Variants in RBMS1 observed in about 807,000 individuals in gnomAD.
The protein encoded by RBMS1 is RNA-binding motif, single-stranded-interacting protein 1.
RBMS1 carries 17 observed loss-of-function variants against 62.3 expected under a neutral mutation model. That is an observed-to-expected ratio of 0.27 (90% CI 0.19 to 0.41). The LOEUF is 0.41. Among genes scored for constraint, RBMS1 ranks in the 10% least tolerant of loss-of-function variants. The pLI is 1.00. For missense variants in RBMS1, 334 were observed against 504.5 expected (o/e 0.66, Z 3.24); for synonymous variants, 172 against 170.0 (o/e 1.01, Z -0.09).
chr2:160,382,828 C>T (rs900128644), intron 1 of RBMS1, among the ~76,000 whole-genome samples: 1 of 151,960 alleles, frequency 6.6e-6, no homozygotes, highest in South Asian at 2.1e-4. Flanking sequence ...CCCCACAACA[C>T]TAACGTAGTT....
chr2:160,466,731 G>C (rs1684711062), intron 1 of RBMS1, among the ~76,000 whole-genome samples: 1 of 152,134 alleles, frequency 6.6e-6, no homozygotes, highest in Admixed American at 6.6e-5. Context: ...AACCTAAAAG[G>C]AGATAAAGAA....
intron 2 of RBMS1, among the ~76,000 whole-genome samples, chr2:160,339,432 T>G (rs559671686): frequency 3.5e-4 from 54 of 152,328 alleles, no homozygotes; most frequent in African/African-American, 1.3e-3. Context: ...TCCTGTGTTT[T>G]GGATGTAGTT....
intron 2 of RBMS1, among the ~76,000 whole-genome samples, chr2:160,327,111 T>C (rs1244253381): frequency 6.6e-6 from 1 of 152,208 alleles, no homozygotes; most frequent in African/African-American, 2.4e-5. Flanking sequence ...TACAGAAGCA[T>C]TGGGACAGTT....
At chr2:160,449,132 G>A (rs1274051804) in intron 1 of RBMS1, among the ~76,000 whole-genome samples, 7 of 150,374 alleles carry the variant, frequency 4.7e-5, no homozygotes, top group African/African-American at 1.5e-4. Flanking sequence ...GAGCCCCTCC[G>A]CCCGGCAGCC....
At chr2:160,282,517 C>A in intron 9 of RBMS1, 2 of 327,920 alleles carry the variant, frequency 6.1e-6, no homozygotes, top group Non-Finnish European at 1.2e-5. Context: ...CAACTCCCTA[C>A]AGACCCTAAT....
At chr2:160,426,300 AGG>A (rs1173371022) in intron 1 of RBMS1, among the ~76,000 whole-genome samples, 142 of 30,776 alleles carry the variant, frequency 4.6e-3, no homozygotes, top group Non-Finnish European at 7.4e-3. Flanking sequence ...AAAAGAAAGA[AGG>A]AAGGAAGGAA....
rs960486930 is a variant in RBMS1, at chr2:160,293,647, A to T, written c.641-6563T>A. 3.3e-5 allele frequency among the ~76,000 whole-genome samples: 5 copies of T among 152,198 alleles called. No homozygotes were observed. In the East Asian group the frequency reaches 7.7e-4, roughly 23 times the overall value. ...CATACTGTCTCCTGCAGCACTGAAC[A>T]CACAGTTAGCCTTTGTCTTTGAGAG... On this transcript the variant is annotated intron_variant, in intron 6 of 13. Coordinates refer to ENST00000348849, the MANE Select transcript of RBMS1 (RefSeq NM_016836.4).
chr2:160,305,694 A>C (rs558836795), intron 4 of RBMS1, among the ~76,000 whole-genome samples: 38 of 152,316 alleles, frequency 2.5e-4, no homozygotes, highest in African/African-American at 8.9e-4. Context: ...TTTTGGCGGC[A>C]TGGAAGCAGG....
chr2:160,329,144 A>G (rs1259385579), intron 2 of RBMS1, among the ~76,000 whole-genome samples: 1 of 152,178 alleles, frequency 6.6e-6, no homozygotes, highest in Non-Finnish European at 1.5e-5. Context: ...TCCTTTTCTC[A>G]AGTAATAAAT....
chr2:160,434,170 C>T (rs1202394193), intron 1 of RBMS1, among the ~76,000 whole-genome samples: 1 of 152,070 alleles, frequency 6.6e-6, no homozygotes, highest in Non-Finnish European at 1.5e-5. Context: ...TAAAATAAAA[C>T]GTTTAAAAGT....
intron 4 of RBMS1, among the ~76,000 whole-genome samples, chr2:160,305,219 G>T (rs1689436074): frequency 1.3e-5 from 2 of 152,152 alleles, no homozygotes; most frequent in Non-Finnish European, 2.9e-5. Flanking sequence ...GTCTACAGCA[G>T]TGTAATGTCT....
intron 1 of RBMS1, among the ~76,000 whole-genome samples, chr2:160,380,666 TTTG>T (rs542940568): frequency 1.1e-3 from 160 of 152,272 alleles, no homozygotes; most frequent in Non-Finnish European, 2.0e-3. Flanking sequence ...GAAATGGTGG[TTTG>T]TTGTTGTTGT....
At chr2:160,378,389 G>C (rs1489002359) in intron 1 of RBMS1, among the ~76,000 whole-genome samples, 1 of 152,060 alleles carries the variant, frequency 6.6e-6, no homozygotes, top group Non-Finnish European at 1.5e-5. Context: ...CAAGGCAGGT[G>C]ATCACTTGAG....
chr2:160,443,398 G>A (rs1683501003), intron 1 of RBMS1, among the ~76,000 whole-genome samples: 1 of 152,082 alleles, frequency 6.6e-6, no homozygotes, highest in Non-Finnish European at 1.5e-5. Flanking sequence ...ATCTCATGTT[G>A]AAATGTGATC....
At chr2:160,483,443 A>G (rs1213663003) in intron 1 of RBMS1, among the ~76,000 whole-genome samples, 1 of 152,238 alleles carries the variant, frequency 6.6e-6, no homozygotes, top group East Asian at 1.9e-4. Context: ...ATGGTTCCAT[A>G]GCACACTTAT....
At chr2:160,381,484 TG>T (rs1404550144) in intron 1 of RBMS1, among the ~76,000 whole-genome samples, 1 of 152,240 alleles carries the variant, frequency 6.6e-6, no homozygotes, top group Non-Finnish European at 1.5e-5. Context: ...ACTCTGTTTT[TG>T]GCATCAAGCT....
chr2:160,301,179 A>G (rs968931126), intron 5 of RBMS1, among the ~76,000 whole-genome samples: 9 of 152,228 alleles, frequency 5.9e-5, no homozygotes, highest in African/African-American at 2.2e-4. Context: ...AAAAGTCATG[A>G]TAACAGCCAG....
At chr2:160,371,786 T>G (rs746240838) in intron 1 of RBMS1, among the ~76,000 whole-genome samples, 1 of 152,108 alleles carries the variant, frequency 6.6e-6, no homozygotes, top group African/African-American at 2.4e-5. Flanking sequence ...CCTCTATGGA[T>G]AGCAATCAGG....
chr2:160,428,382 CT>C (rs1240739454), intron 1 of RBMS1, among the ~76,000 whole-genome samples: 1 of 152,088 alleles, frequency 6.6e-6, no homozygotes, highest in Non-Finnish European at 1.5e-5. Flanking sequence ...CAAAGTCTAA[CT>C]TTTTATTGGC....
Sources: allele counts gnomAD v4.1 joint callset (sites outside exome capture counted in the v4.1 genomes callset), GRCh38; gene constraint gnomAD v4.1.1; transcripts MANE v1.5; gene names NCBI Gene and HGNC (gene_info 2026-07-23, HGNC 2026-07-21).